MYH4: variants seen among roughly 807,000 people sequenced by gnomAD.
MYH4 encodes the protein myosin heavy chain 4.
MYH4 carries 200 observed loss-of-function variants against 229.9 expected under a neutral mutation model. The ratio of observed to expected loss-of-function variants is 0.87; its 90% CI spans 0.78 to 0.98. The LOEUF is 0.98. Ranked by LOEUF, MYH4 falls within the 50% of genes least tolerant of loss-of-function variation. The pLI is 0.00. For missense variants in MYH4, 2,148 were observed against 2,332.6 expected (o/e 0.92, Z 1.63); for synonymous variants, 761 against 834.6 (o/e 0.91, Z 1.52).
intron 13 of MYH4, 32 bp from the exon 14 acceptor site, chr17:10,460,133 A>G: frequency 8.1e-6 from 13 of 1,614,082 alleles, no homozygotes; most frequent in South Asian, 1.1e-5. Flanking sequence ...AGTTTTTTAA[A>G]TTGAAAACAG....
At chr17:10,451,486 T>A (rs757619061) in intron 27 of MYH4, 34 bp from the exon 28 acceptor site, 1 of 1,599,244 alleles carries the variant, frequency 6.3e-7, no homozygotes, top group Non-Finnish European at 8.5e-7. Flanking sequence ...GAAGAGACAA[T>A]ACATTTTTAT....
chr17:10,447,702 C>T, intron 34 of MYH4, 116 bp downstream of exon 34: 2 of 1,047,798 alleles, frequency 1.9e-6, no homozygotes, highest in Non-Finnish European at 2.8e-6. Context: ...GAACTTTGAA[C>T]TGATTACCAT....
intron 25 of MYH4, 43 bp from the exon 26 acceptor site, chr17:10,452,549 C>A: frequency 1.9e-6 from 3 of 1,575,230 alleles, no homozygotes; most frequent in Non-Finnish European, 2.6e-6. Flanking sequence ...ACTTCTCTTA[C>A]CAATCTTCTT....
At chr17:10,456,649 T>A in intron 16 of MYH4, 94 bp from the exon 17 acceptor site, 3 of 954,040 alleles carry the variant, frequency 3.1e-6, no homozygotes, top group Non-Finnish European at 5.0e-6. Flanking sequence ...CTTTAGAATT[T>A]AAATTTGCAC....
chr17:10,463,605 T>A lies in MYH4; in HGVS notation c.687A>T (p.Leu229=). The A allele has an allele frequency of 1.2e-6, 2 of 1,613,736 alleles. No homozygotes were observed. The highest frequency in any genetic ancestry group is 1.7e-6 in the Non-Finnish European group (2 of 1,179,706). ...LEDQIISANP[L]LEAFGNAKTV... ...TCTTGGCATTGCCGAAGGCTTCCAGTAGGGGGTTAGCACTGATGATTTGAT... is the reference window on the plus strand; with the variant it reads ...TCTTGGCATTGCCGAAGGCTTCCAGAAGGGGGTTAGCACTGATGATTTGAT... The change falls in exon 8 of 40, where the codon CTA becomes CTT. Residue 229 remains leucine (L), a synonymous_variant. Transcript: ENST00000255381.
In MYH4 at chr17:10,463,628, G is replaced by T. The variant is rs1413524596; in HGVS notation, c.664C>A (p.Gln222Lys). The T allele has an allele frequency of 4.4e-6, 7 of 1,609,040 alleles. No homozygotes were observed. The highest frequency in any genetic ancestry group is 1.7e-4 in the Middle Eastern group (1 of 6,024). ...AGTAGGGGGTTAGCACTGATGATTT[G>T]ATCTTCAAGGGTCCCCTTAAGAGAA... ...SGKMQGTLED[Q>K]IISANPLLEA... is the part of the protein sequence containing the mutation. The change falls in exon 8 of 40, where the codon CAA becomes AAA. Residue 222 changes from glutamine to lysine, a missense_variant. Coordinates refer to ENST00000255381, the MANE Select transcript of MYH4 (RefSeq NM_017533.2).
rs2072587319 is a variant in MYH4, at chr17:10,452,416, C to G, written c.3348G>C (p.Gln1116His). Reference sequence around the variant, plus strand: ...AGAAAAGGTGGAGGTTATAACTTACCTGTAATTCTTTGATCTTCTTTTGTA... The same window carrying G: ...AGAAAAGGTGGAGGTTATAACTTACGTGTAATTCTTTGATCTTCTTTTGTA... ...IQLQKKIKEL[Q>H]ARIEELEEEI... The change falls in exon 26 of 40, where the codon CAG (glutamine) becomes CAC (histidine). Residue 1116 changes from glutamine (Q) to histidine (H), a missense_variant and splice_region_variant. By Grantham distance (24) the Gln-to-His change is conservative. Coordinates refer to ENST00000255381, the MANE Select transcript of MYH4 (RefSeq NM_017533.2). 5 of 1,614,084 alleles carry G rather than the reference C, an allele frequency of 3.1e-6. No homozygotes were observed. The highest frequency in any genetic ancestry group is 4.2e-6 in the Non-Finnish European group (5 of 1,179,984).
chr17:10,466,700 A>C lies in MYH4; in HGVS notation c.46T>G (p.Phe16Val). 6.2e-7 allele frequency: 1 copy of C among 1,614,180 alleles called. No individual in the cohort carries two copies. Among genetic ancestry groups the C allele is most frequent in the Non-Finnish European group, 8.5e-7 (1 of 1,180,044 alleles). ...EMAIFGEAAP[F>V]LRKSEKERIE... Reference sequence around the variant, plus strand: ...CGCTCCTTTTCAGACTTTCGGAGGAAAGGAGCAGCCTCCCCAAAAATGGCC... The same window carrying C: ...CGCTCCTTTTCAGACTTTCGGAGGACAGGAGCAGCCTCCCCAAAAATGGCC... Residue 16 changes from phenylalanine to valine, a missense_variant, in exon 3 of 40, where the codon TTC (phenylalanine) becomes GTC (valine). Physicochemically the swap from Phe to Val is conservative, Grantham distance 50. Coordinates refer to ENST00000255381, the MANE Select transcript of MYH4 (RefSeq NM_017533.2).
chr17:10,468,942 G>A (rs1324609646), intron 2 of MYH4, among the ~76,000 whole-genome samples: 1 of 152,180 alleles, frequency 6.6e-6, no homozygotes, highest in East Asian at 1.9e-4. Context: ...GCCTGGATTG[G>A]CACCTAGAAA....
At chr17:10,445,855 C>T (rs1344495558) in intron 35 of MYH4, among the ~76,000 whole-genome samples, 6 of 151,694 alleles carry the variant, frequency 4.0e-5, no homozygotes, top group African/African-American at 1.2e-4. Context: ...GGTGAAACCC[C>T]GTCTCTACTA....
At chr17:10,460,382 T>C in intron 12 of MYH4, 61 bp from the exon 13 acceptor site, 2 of 1,281,298 alleles carry the variant, frequency 1.6e-6, no homozygotes, top group Non-Finnish European at 2.2e-6. Context: ...AAAATGTAAA[T>C]GATGATGACA....
chr17:10,462,296 T>G (rs2072711519), intron 11 of MYH4, among the ~76,000 whole-genome samples: 1 of 152,046 alleles, frequency 6.6e-6, no homozygotes, highest in African/African-American at 2.4e-5. Flanking sequence ...GAGGTGATGG[T>G]GGGGAGAGAG....
Position 10,445,329 on chromosome 17 carries a change from C to A in MYH4, c.5203G>T (p.Glu1735Ter). ...CCCTGGATTTGGGAAATGTCTGTTTCCAGCTTCTTCTTGGTGTTGATCAGG... is the reference window on the plus strand; with the variant it reads ...CCCTGGATTTGGGAAATGTCTGTTTACAGCTTCTTCTTGGTGTTGATCAGG... Reference protein sequence around the residue: ...TSLINTKKKLETDISQIQGEM... With the variant: ...TSLINTKKKL Residue 1735 changes from glutamate to a stop codon, truncating the protein, a stop_gained, in exon 36 of 40, where the codon GAA becomes TAA. Coordinates refer to ENST00000255381, the MANE Select transcript of MYH4 (RefSeq NM_017533.2). LOFTEE classifies it high-confidence loss of function. The A allele has an allele frequency of 1.2e-6, 2 of 1,614,028 alleles. No individual in the cohort carries two copies. The highest frequency in any genetic ancestry group is 1.7e-6 in the Non-Finnish European group (2 of 1,179,998).
chr17:10,443,315 T>C lies in MYH4; in HGVS notation c.*60A>G. 1 of 1,566,364 alleles carries C rather than the reference T, an allele frequency of 6.4e-7. No individual in the cohort carries two copies. Among genetic ancestry groups the C allele is most frequent in the Non-Finnish European group, 8.8e-7 (1 of 1,140,656 alleles). On this transcript the variant is annotated 3_prime_UTR_variant, in exon 40 of 40. Coordinates refer to ENST00000255381, the MANE Select transcript of MYH4 (RefSeq NM_017533.2). The surrounding 1 kb of genome is among the most constrained non-coding windows in gnomAD (Gnocchi z 4.6). ...TTTATTTCCTTGATATACAGGACAG[T>C]GACAAAGAACTTCACATTTCGTGCA...
At chr17:10,453,088 G>A in intron 24 of MYH4, 64 bp downstream of exon 24, 2 of 1,605,628 alleles carry the variant, frequency 1.2e-6, no homozygotes, top group East Asian at 4.5e-5. Context: ...GACTATCAGT[G>A]CTGGTTTCAT....
At position 10,448,602 on chromosome 17, in the gene MYH4, G is replaced by A. The variant is rs1264810864; in HGVS notation, c.4531+16C>T. ...CTCCCTACCATTTTTGAAATAGAAT[G>A]ATTACAGTGACTCACGTTGTAAGTT... is the stretch of plus-strand genomic sequence containing the variant. On this transcript the variant is annotated intron_variant, in intron 32 of 39. Transcript: ENST00000255381. 1 of 1,611,918 alleles carries A rather than the reference G, an allele frequency of 6.2e-7. No homozygotes were observed. The highest frequency in any genetic ancestry group is 1.7e-5 in the Admixed American group (1 of 59,514).
Position 10,447,144 on chromosome 17 carries a change from G to A in MYH4, c.5038C>T (p.Arg1680Cys), listed in dbSNP as rs149007526. The change falls in exon 35 of 40, where the codon CGC becomes TGC. Residue 1680 changes from arginine to cysteine, a missense_variant. Physicochemically the swap from Arg to Cys is radical, Grantham distance 180. Transcript: ENST00000255381. ...DLKEQLAMVERRANLMQAEVE... is the reference protein window; with the variant it reads ...DLKEQLAMVECRANLMQAEVE... ...TCAGCCTGCATCAGGTTAGCTCTGC[G>A]CTCAACCATTGCCAGTTGTTCCTTA... 23 of 1,614,084 alleles carry A rather than the reference G, an allele frequency of 1.4e-5. No homozygotes were observed. The highest frequency in any genetic ancestry group is 1.1e-4 in the South Asian group (10 of 91,078).
chr17:10,465,214 A>G (rs577265073), intron 5 of MYH4, among the ~76,000 whole-genome samples: 1 of 152,244 alleles, frequency 6.6e-6, no homozygotes, highest in African/African-American at 2.4e-5. Flanking sequence ...AAATCTAAGC[A>G]AAATTTCCTC....
chr17:10,461,069 G>T lies in MYH4; in HGVS notation c.1009-15C>A, dbSNP rs759930480. 1 of 1,613,420 alleles carries T rather than the reference G, an allele frequency of 6.2e-7. No homozygotes were observed. The highest frequency in any genetic ancestry group is 1.1e-5 in the South Asian group (1 of 90,984). ...TCCACAGCACTCTGTCAAAAGAGTT[G>T]AATTTGCTCATCCCCAATTAGCACC... On this transcript the variant is annotated splice_polypyrimidine_tract_variant and intron_variant, in intron 11 of 39. Coordinates refer to ENST00000255381, the MANE Select transcript of MYH4 (RefSeq NM_017533.2).
Sources: gnomAD v4.1 joint callset for allele counts (sites outside exome capture counted in the v4.1 genomes callset) on GRCh38, gnomAD v4.1.1 for gene constraint, Gnocchi (gnomAD v3.1) non-coding constraint, MANE v1.5 for transcripts, NCBI Gene and HGNC (gene_info 2026-07-23, HGNC 2026-07-21) for gene names.